The following FANK1 variants were observed in gnomAD, a reference collection of about 807,000 sequenced individuals.
The protein encoded by FANK1 is fibronectin type III and ankyrin repeat domains 1, also known as fibronectin type 3 and ankyrin repeat domains protein 1.
A neutral mutation model predicts 45.3 loss-of-function variants in FANK1; 44 were observed. That is an observed-to-expected ratio of 0.97 (90% confidence interval 0.76 to 1.25). FANK1 has a LOEUF of 1.25. Ranked by LOEUF, FANK1 falls within the 50% of genes most tolerant of loss-of-function variation. The probability of loss-of-function intolerance (pLI) is 0.00; values close to 1 mark genes in which losing one functional copy is unlikely to be tolerated. For missense variants in FANK1, 391 were observed against 424.4 expected, an observed-to-expected ratio of 0.92 and a Z score of 0.69; for synonymous variants, 149 against 152.5, an observed-to-expected ratio of 0.98 and a Z score of 0.17.
chr10:125,964,601 G>T (rs1424287417), intron 1 of FANK1, among the ~76,000 whole-genome samples: 1 of 152,056 alleles, frequency 6.6e-6, no homozygotes, highest in Non-Finnish European at 1.5e-5. Context: ...TTTAACTTTA[G>T]TCTTAACTGC....
intron 1 of FANK1, among the ~76,000 whole-genome samples, chr10:125,965,184 A>G (rs2134183950): frequency 6.6e-6 from 1 of 152,152 alleles, no homozygotes; most frequent in Middle Eastern, 3.4e-3. Flanking sequence ...AAATAAACAA[A>G]CTTGATGAAT....
At chr10:125,919,328 C>T (rs1270102730) in intron 1 of FANK1, among the ~76,000 whole-genome samples, 4 of 149,978 alleles carry the variant, frequency 2.7e-5, no homozygotes, top group East Asian at 2.0e-4. Context: ...GCCTCAGCCT[C>T]GCTAGTAGCT....
chr10:125,979,263 G>C (rs1951044839), intron 1 of FANK1, among the ~76,000 whole-genome samples: 1 of 152,162 alleles, frequency 6.6e-6, no homozygotes, highest in African/African-American at 2.4e-5. Flanking sequence ...TCAGTTGAAG[G>C]TGTTGTATTC....
intron 6 of FANK1, 73 bp from the exon 7 acceptor site, chr10:126,004,811 G>A (rs1404808502): frequency 6.6e-7 from 1 of 1,526,386 alleles, no homozygotes; most frequent in Admixed American, 1.7e-5. Flanking sequence ...GTTTAAGCCA[G>A]GTAGGGTAAA....
At chr10:125,921,780 A>G (rs1946963357) in intron 1 of FANK1, among the ~76,000 whole-genome samples, 1 of 152,158 alleles carries the variant, frequency 6.6e-6, no homozygotes, top group South Asian at 2.1e-4. Flanking sequence ...CTAGCCTTCT[A>G]GTGTCTACAG....
chr10:125,917,093 G>C (rs542919940), intron 1 of FANK1, among the ~76,000 whole-genome samples: 6 of 152,322 alleles, frequency 3.9e-5, no homozygotes, highest in African/African-American at 1.4e-4. Flanking sequence ...CTGAGCTCCT[G>C]CACTAGCCCT....
At chr10:126,003,744 C>A (rs535358719) in intron 6 of FANK1, among the ~76,000 whole-genome samples, 2 of 151,858 alleles carry the variant, frequency 1.3e-5, no homozygotes, top group African/African-American at 4.8e-5. Flanking sequence ...GGCATGATCT[C>A]GGCTCACTGC....
intron 10 of FANK1, 42 bp downstream of exon 10, chr10:126,009,308 C>T (rs1953482403): frequency 6.2e-7 from 1 of 1,613,984 alleles, no homozygotes; most frequent in East Asian, 2.2e-5. Flanking sequence ...ATTTTTAGTC[C>T]TTCTAGACTC....
intron 6 of FANK1, among the ~76,000 whole-genome samples, chr10:126,003,599 T>C (rs569771883): frequency 1.4e-4 from 22 of 152,332 alleles, no homozygotes; most frequent in Admixed American, 5.9e-4. Flanking sequence ...AGTTTTCCCA[T>C]TGCACTTAGA....
intron 1 of FANK1, among the ~76,000 whole-genome samples, chr10:125,916,593 C>T (rs895547181): frequency 2.6e-5 from 4 of 151,988 alleles, no homozygotes; most frequent in African/African-American, 7.2e-5. Context: ...AATGAATAAA[C>T]AAAATATGGT....
intron 3 of FANK1, among the ~76,000 whole-genome samples, chr10:125,992,177 C>T (rs1951994888): frequency 6.6e-6 from 1 of 152,232 alleles, no homozygotes; most frequent in Non-Finnish European, 1.5e-5. Flanking sequence ...AGGAATGAAA[C>T]ATTCTGTTCA....
intron 1 of FANK1, among the ~76,000 whole-genome samples, chr10:125,968,179 T>G (rs1950292558): frequency 6.6e-6 from 1 of 151,994 alleles, no homozygotes; most frequent in South Asian, 2.1e-4. Context: ...TAGGCTGGTC[T>G]CTTCCTGGCC....
intron 3 of FANK1, among the ~76,000 whole-genome samples, chr10:125,989,049 G>T (rs1951753879): frequency 6.6e-6 from 1 of 152,158 alleles, no homozygotes; most frequent in African/African-American, 2.4e-5. Flanking sequence ...GCTCCATTCA[G>T]TGTCATATCC....
intron 1 of FANK1, among the ~76,000 whole-genome samples, chr10:125,978,389 G>A (rs548238071): frequency 2.0e-5 from 3 of 152,060 alleles, no homozygotes; most frequent in Non-Finnish European, 4.4e-5. Flanking sequence ...TGATCGCCTC[G>A]GATACTATGA....
At chr10:125,982,854 G>T (rs1056514438) in intron 2 of FANK1, among the ~76,000 whole-genome samples, 13 of 151,842 alleles carry the variant, frequency 8.6e-5, no homozygotes, top group African/African-American at 2.9e-4. Flanking sequence ...TAGCTCATTT[G>T]TGGATCCCCA....
Position 125,956,336 on chromosome 10 carries a change from A to G in FANK1, c.14-23825A>G, listed in dbSNP as rs148025524. Among the ~76,000 whole-genome samples, 104 of 152,336 alleles carry G rather than the reference A, an allele frequency of 6.8e-4. No individual in the cohort carries two copies. The South Asian group carries it at 9.7e-3, about 14-fold the overall frequency. ...AGCAAAAAATCAAAGGCTGTCTTAAAGATTGTACAGAAAATATGATTTATT... is the reference window on the plus strand; with the variant it reads ...AGCAAAAAATCAAAGGCTGTCTTAAGGATTGTACAGAAAATATGATTTATT... On this transcript the variant is annotated intron_variant, in intron 1 of 10. Transcript: ENST00000368693.
At chr10:125,939,283 C>T (rs1390304454) in intron 1 of FANK1, among the ~76,000 whole-genome samples, 1 of 152,000 alleles carries the variant, frequency 6.6e-6, no homozygotes, top group Non-Finnish European at 1.5e-5. Flanking sequence ...AAAAAGAAAC[C>T]TAGCTAAAAA....
intron 1 of FANK1, among the ~76,000 whole-genome samples, chr10:125,932,907 T>A (rs1589918706): frequency 6.6e-6 from 1 of 152,214 alleles, no homozygotes; most frequent in East Asian, 1.9e-4. Context: ...AGAGTTTTAA[T>A]CATAAAGTGA....
chr10:125,986,111 CTG>C lies in FANK1; in HGVS notation c.192-2437_192-2436del, dbSNP rs146881584. On this transcript the variant is annotated intron_variant, in intron 2 of 10. Transcript: ENST00000368693. ...CATGTTCCTGCGGGGATGGTGGAGACTGTGGAGGTCAGCTTGACTTCCAGCTC... is the reference window on the plus strand; with the variant it reads ...CATGTTCCTGCGGGGATGGTGGAGACTGGAGGTCAGCTTGACTTCCAGCTC... Among the ~76,000 whole-genome samples the C allele has an allele frequency of 2.3e-3, 348 of 152,304 alleles. 7 individuals carry two copies. In the East Asian group the frequency reaches 0.054, roughly 24 times the overall value.
Sources: gnomAD v4.1 joint callset for allele counts (sites outside exome capture counted in the v4.1 genomes callset) on GRCh38, gnomAD v4.1.1 for gene constraint, MANE v1.5 for transcripts, NCBI Gene and HGNC (gene_info 2026-07-23, HGNC 2026-07-21) for gene names.